The following STX17 variants were observed in gnomAD, a reference collection of about 807,000 sequenced individuals.
The protein encoded by STX17 is syntaxin-17.
A neutral mutation model predicts 35.9 loss-of-function variants in STX17; 29 were observed. The observed-to-expected ratio is 0.81, with a 90% confidence interval of 0.60 to 1.10. The LOEUF is 1.10. Among genes scored for constraint, STX17 ranks in the 50% least tolerant of loss-of-function variants. The probability of loss-of-function intolerance (pLI) is 0.00; values close to 1 mark genes in which losing one functional copy is unlikely to be tolerated. For synonymous variants in STX17, 92 were observed against 118.3 expected (o/e 0.78, Z 1.44); for missense variants, 312 against 352.3 (o/e 0.89, Z 0.92).
intron 1 of STX17, among the ~76,000 whole-genome samples, chr9:99,910,094 G>A (rs549591988): frequency 1.3e-5 from 2 of 151,944 alleles, no homozygotes; most frequent in African/African-American, 2.4e-5. Context: ...TTAGCTGGGC[G>A]TGGTGGCACG....
chr9:99,924,189 T>A (rs1350954304), intron 2 of STX17, among the ~76,000 whole-genome samples: 1 of 152,206 alleles, frequency 6.6e-6, no homozygotes. Context: ...CCCTCTGGAA[T>A]GAGTGTCTTA....
At chr9:99,938,572 C>T (rs996925707) in intron 3 of STX17, among the ~76,000 whole-genome samples, 6 of 152,096 alleles carry the variant, frequency 3.9e-5, no homozygotes, top group African/African-American at 1.2e-4. Flanking sequence ...ATTGCCTGAG[C>T]TCATGAGTTC....
intron 6 of STX17, among the ~76,000 whole-genome samples, chr9:99,962,095 T>G (rs1829838980): frequency 6.6e-6 from 1 of 152,230 alleles, no homozygotes; most frequent in African/African-American, 2.4e-5. Flanking sequence ...GAACCCTTGC[T>G]TCTTTTGCAT....
chr9:99,929,062 T>TG (rs1424654788), intron 3 of STX17: 1 of 440,400 alleles, frequency 2.3e-6, no homozygotes, highest in African/African-American at 2.0e-5. Flanking sequence ...TACACAGACT[T>TG]ATACTCTCAC....
intron 1 of STX17, 44 bp downstream of exon 1, chr9:99,906,750 C>CA (rs1171533706): frequency 6.6e-6 from 1 of 152,202 alleles, no homozygotes; most frequent in Non-Finnish European, 1.5e-5. Context: ...GTCGGGCCCT[C>CA]ACAGGCTTGG....
At chr9:99,961,078 A>G (rs1410666336) in intron 6 of STX17, among the ~76,000 whole-genome samples, 1 of 152,192 alleles carries the variant, frequency 6.6e-6, no homozygotes, top group Non-Finnish European at 1.5e-5. Context: ...TAACCAAAGC[A>G]TAAGGTACCA....
intron 3 of STX17, among the ~76,000 whole-genome samples, chr9:99,936,633 T>A (rs1173225942): frequency 6.6e-6 from 1 of 152,158 alleles, no homozygotes; most frequent in African/African-American, 2.4e-5. Context: ...GTCTTTAGTG[T>A]ACATCTTATC....
intron 1 of STX17, among the ~76,000 whole-genome samples, chr9:99,912,905 T>G (rs1281053453): frequency 6.6e-6 from 1 of 152,222 alleles, no homozygotes; most frequent in Non-Finnish European, 1.5e-5. Context: ...TGTTGAAATA[T>G]TCCTTTAAGT....
At chr9:99,949,510 C>A (rs1387190181) in intron 3 of STX17, among the ~76,000 whole-genome samples, 1 of 151,582 alleles carries the variant, frequency 6.6e-6, no homozygotes, top group African/African-American at 2.4e-5. Flanking sequence ...GGGTTTTAAC[C>A]CCAGTTTTGC....
At chr9:99,915,134 G>A in intron 1 of STX17, 44 bp from the exon 2 acceptor site, 2 of 1,282,642 alleles carry the variant, frequency 1.6e-6, no homozygotes, top group Non-Finnish European at 2.1e-6. Context: ...AAAAATAGTG[G>A]AAACAGATTT....
intron 4 of STX17, among the ~76,000 whole-genome samples, chr9:99,955,969 C>T (rs1473367772): frequency 6.6e-6 from 1 of 151,996 alleles, no homozygotes; most frequent in Non-Finnish European, 1.5e-5. Context: ...TTCAAAGGAT[C>T]GTCACTGAGG....
At chr9:99,954,258 A>G (rs1395134235) in intron 4 of STX17, among the ~76,000 whole-genome samples, 1 of 152,014 alleles carries the variant, frequency 6.6e-6, no homozygotes, top group East Asian at 1.9e-4. Context: ...TAAAATCAAT[A>G]CCTAGGTTAT....
intron 2 of STX17, 86 bp downstream of exon 2, chr9:99,915,448 AG>A: frequency 6.8e-7 from 1 of 1,467,428 alleles, no homozygotes; most frequent in East Asian, 2.4e-5. Context: ...TTAGAATATT[AG>A]ATAAGAGGCA....
intron 6 of STX17, among the ~76,000 whole-genome samples, chr9:99,961,601 G>A (rs1829828093): frequency 6.6e-6 from 1 of 152,074 alleles, no homozygotes; most frequent in South Asian, 2.1e-4. Context: ...GTATATTTAT[G>A]TATGTGTGTC....
intron 4 of STX17, among the ~76,000 whole-genome samples, chr9:99,953,304 T>C (rs1342253557): frequency 2.0e-5 from 3 of 152,098 alleles, no homozygotes. Flanking sequence ...ATAATGGACC[T>C]AAATGTTTTA....
intron 3 of STX17, chr9:99,945,785 T>A: frequency 1.0e-5 from 4 of 383,558 alleles, no homozygotes; most frequent in East Asian, 9.1e-5. Flanking sequence ...TTTTTTTTTT[T>A]AAATGGACAG....
At chr9:99,964,769 T>G (rs1468823486) in intron 6 of STX17, among the ~76,000 whole-genome samples, 1 of 152,084 alleles carries the variant, frequency 6.6e-6, no homozygotes, top group East Asian at 1.9e-4. Context: ...AGTGGACAGG[T>G]AGTGACCCAA....
chr9:99,934,925 T>A (rs1021799074), intron 3 of STX17, among the ~76,000 whole-genome samples: 1 of 152,168 alleles, frequency 6.6e-6, no homozygotes, highest in Non-Finnish European at 1.5e-5. Flanking sequence ...TTTTTTTTAA[T>A]CTTTAGACAG....
At chr9:99,949,509 C>T (rs2118474890) in intron 3 of STX17, among the ~76,000 whole-genome samples, 1 of 151,890 alleles carries the variant, frequency 6.6e-6, no homozygotes, top group Non-Finnish European at 1.5e-5. Flanking sequence ...TGGGTTTTAA[C>T]CCCAGTTTTG....
Sources: allele counts gnomAD v4.1 joint callset (sites outside exome capture counted in the v4.1 genomes callset), GRCh38; gene constraint gnomAD v4.1.1; transcripts MANE v1.5; gene names NCBI Gene and HGNC (gene_info 2026-07-23, HGNC 2026-07-21).